Variants in STX17 observed in about 807,000 individuals in gnomAD.
STX17 encodes syntaxin-17.
Under a neutral mutation model 35.9 loss-of-function variants are expected in STX17, and 29 were observed. The observed-to-expected ratio is 0.81, with a 90% CI of 0.60 to 1.10. The LOEUF (loss-of-function observed/expected upper bound fraction) is 1.10, where lower values mean the gene tolerates loss of function less well. Ranked by LOEUF, STX17 falls within the 50% of genes least tolerant of loss-of-function variation. The pLI is 0.00. For synonymous variants in STX17, 92 were observed against 118.3 expected, an observed-to-expected ratio of 0.78 and a Z score of 1.44; for missense variants, 312 against 352.3, an observed-to-expected ratio of 0.89 and a Z score of 0.92.
intron 3 of STX17, among the ~76,000 whole-genome samples, chr9:99,942,830 C>G (rs191605847): frequency 2.0e-5 from 3 of 151,758 alleles, no homozygotes; most frequent in African/African-American, 7.2e-5. Context: ...CTACTTTTGT[C>G]GTAAGTCAAG....
chr9:99,929,528 G>C (rs975685903), intron 3 of STX17, among the ~76,000 whole-genome samples: 2 of 151,478 alleles, frequency 1.3e-5, no homozygotes, highest in African/African-American at 4.8e-5. Context: ...TAATCCTTTT[G>C]GCCTTTCTCC....
At position 99,938,609 on chromosome 9, in the gene STX17, ACT is replaced by A. The variant is rs528328781; in HGVS notation, c.189+9769_189+9770del. Among the ~76,000 whole-genome samples, 208 of 152,122 alleles carry A rather than the reference ACT, an allele frequency of 1.4e-3. 1 individual carries two copies. The highest frequency in any genetic ancestry group is 4.8e-3 in the African/African-American group (200 of 41,488). On this transcript the variant is annotated intron_variant, in intron 3 of 7. Transcript: ENST00000259400. ...ATACCAGCTTGGGCAACATGGTGAA[ACT>A]CTGTCTCTACAAAAAATACCAAAAA...
intron 1 of STX17, among the ~76,000 whole-genome samples, chr9:99,912,528 G>C (rs1166268183): frequency 6.6e-6 from 1 of 152,062 alleles, no homozygotes; most frequent in African/African-American, 2.4e-5. Flanking sequence ...TCCCTTGTTG[G>C]ATGACTAGTT....
Position 99,916,707 on chromosome 9 carries a change from C to T in STX17, c.123+1345C>T, listed in dbSNP as rs535050322. ...CTAGAATTTAGGATTAGTATTTTGT[C>T]ATCCTTGAATTTCTTCTTTACTTAC... is the stretch of plus-strand genomic sequence containing the variant. On this transcript the variant is annotated intron_variant, in intron 2 of 7. Transcript: ENST00000259400. 1.4e-3 allele frequency among the ~76,000 whole-genome samples: 219 copies of T among 152,162 alleles called. 2 individuals carry two copies. The highest frequency in any genetic ancestry group is 5.1e-3 in the African/African-American group (212 of 41,512).
In STX17 at chr9:99,970,815, G is replaced by A. The variant is rs1447046964; in HGVS notation, c.*2142G>A. Among the ~76,000 whole-genome samples, 1 of 152,154 alleles carries A rather than the reference G, an allele frequency of 6.6e-6. No homozygotes were observed. The highest frequency in any genetic ancestry group is 2.4e-5 in the African/African-American group (1 of 41,416). On this transcript the variant is annotated 3_prime_UTR_variant, in exon 8 of 8. Coordinates refer to ENST00000259400, the MANE Select transcript of STX17 (RefSeq NM_017919.3). ...GGCAGCACTAGGGATTCATTATAAG[G>A]TAAATCTGGTTTACATAAAGACCTG...
Position 99,972,547 on chromosome 9 carries a change from G to A in STX17, c.*3874G>A, listed in dbSNP as rs957785838. On this transcript the variant is annotated 3_prime_UTR_variant, in exon 8 of 8. Coordinates refer to ENST00000259400, the MANE Select transcript of STX17 (RefSeq NM_017919.3). ...ATACTGAAACTGAGTGCTGTACAGG[G>A]AGAATTGCATGAGTCCAGAAACTTC... 2.6e-5 allele frequency among the ~76,000 whole-genome samples: 4 copies of A among 152,188 alleles called. No homozygotes were observed. The highest frequency in any genetic ancestry group is 9.6e-5 in the African/African-American group (4 of 41,458).
intron 4 of STX17, among the ~76,000 whole-genome samples, chr9:99,959,712 C>T (rs1229810282): frequency 2.6e-5 from 4 of 152,172 alleles, no homozygotes; most frequent in Non-Finnish European, 4.4e-5. Flanking sequence ...CCTCCCGCCT[C>T]AGCCTGCCAA....
intron 3 of STX17, among the ~76,000 whole-genome samples, chr9:99,944,422 T>C (rs1829434306): frequency 6.6e-6 from 1 of 151,836 alleles, no homozygotes; most frequent in South Asian, 2.1e-4. Flanking sequence ...TCTTTTCTAA[T>C]ATATATATAT....
intron 6 of STX17, 101 bp downstream of exon 6, chr9:99,960,256 A>C: frequency 8.2e-7 from 1 of 1,212,738 alleles, no homozygotes; most frequent in Non-Finnish European, 1.2e-6. Flanking sequence ...AGAACTTATA[A>C]TTTTTAAGAC....
intron 4 of STX17, among the ~76,000 whole-genome samples, chr9:99,952,540 A>G (rs1829623138): frequency 6.6e-6 from 1 of 152,188 alleles, no homozygotes; most frequent in Non-Finnish European, 1.5e-5. Flanking sequence ...GTATATACCC[A>G]AAGGACTATA....
intron 3 of STX17, among the ~76,000 whole-genome samples, chr9:99,939,133 G>A (rs567743923): frequency 6.6e-6 from 1 of 152,222 alleles, no homozygotes; most frequent in African/African-American, 2.4e-5. Context: ...TAAAAAGGGG[G>A]ATGATTTAAA....
At chr9:99,924,680 A>G (rs1828954559) in intron 2 of STX17, among the ~76,000 whole-genome samples, 1 of 152,224 alleles carries the variant, frequency 6.6e-6, no homozygotes, top group South Asian at 2.1e-4. Context: ...GATATTTTCT[A>G]TGTAGACAAT....
chr9:99,941,339 A>G (rs1829357816), intron 3 of STX17, among the ~76,000 whole-genome samples: 1 of 152,198 alleles, frequency 6.6e-6, no homozygotes, highest in African/African-American at 2.4e-5. Context: ...CTTATCCAGT[A>G]TACTTCCACA....
At chr9:99,942,478 C>T (rs1243006869) in intron 3 of STX17, among the ~76,000 whole-genome samples, 2 of 151,804 alleles carry the variant, frequency 1.3e-5, no homozygotes, top group East Asian at 1.9e-4. Flanking sequence ...GATTTTGTGC[C>T]GTGTTTACTT....
chr9:99,946,848 A>G lies in STX17; in HGVS notation c.190-4212A>G, dbSNP rs141706615. Among the ~76,000 whole-genome samples the G allele has an allele frequency of 7.9e-5, 12 of 152,276 alleles. No individual in the cohort carries two copies. In the East Asian group the frequency reaches 2.1e-3, roughly 27 times the overall value. On this transcript the variant is annotated intron_variant, in intron 3 of 7. Coordinates refer to ENST00000259400, the MANE Select transcript of STX17 (RefSeq NM_017919.3). ...GTTATTGCTGTTGAGAAGTCGTATT[A>G]TAATCTTACTGTTTCTTTGCAAGAA... is the stretch of plus-strand genomic sequence containing the variant.
Position 99,957,662 on chromosome 9 carries a change from T to G in STX17, c.416-2255T>G, listed in dbSNP as rs572337588. On this transcript the variant is annotated intron_variant, in intron 4 of 7. Transcript: ENST00000259400. ...TTTTTATGTTATTGTTTTTGTTTTTTTTTTTTTTTTGAGACAGGGTCTCGC... is the reference window on the plus strand; with the variant it reads ...TTTTTATGTTATTGTTTTTGTTTTTGTTTTTTTTTTGAGACAGGGTCTCGC... 6.1e-3 allele frequency among the ~76,000 whole-genome samples: 924 copies of G among 151,164 alleles called. 7 individuals are homozygous for G. The highest frequency in any genetic ancestry group is 0.02 in the Middle Eastern group (6 of 294).
intron 1 of STX17, among the ~76,000 whole-genome samples, chr9:99,913,389 C>G (rs1828698131): frequency 6.6e-6 from 1 of 151,718 alleles, no homozygotes; most frequent in East Asian, 1.9e-4. Flanking sequence ...CCTCTGTGTT[C>G]TGAGTGATTT....
chr9:99,909,286 GA>G (rs1471149321), intron 1 of STX17, among the ~76,000 whole-genome samples: 3 of 152,208 alleles, frequency 2.0e-5, no homozygotes, highest in African/African-American at 7.2e-5. Flanking sequence ...ATTTTGGAGG[GA>G]AAGAGTCTAA....
rs1459730283 is a variant in STX17, at chr9:99,970,392, G to A, written c.*1719G>A. 1 of 152,132 alleles carries A rather than the reference G, an allele frequency of 6.6e-6. No homozygotes were observed. The highest frequency in any genetic ancestry group is 1.9e-4 in the East Asian group (1 of 5,192). The allele number at this position is 152,132 out of a possible 1,614,324, so 9.4% of individuals were successfully genotyped here. ...ATTAACATATTAATAATACCAAGAA[G>A]GAAATACTTTGAATAAGTGTCAGAT... On this transcript the variant is annotated 3_prime_UTR_variant, in exon 8 of 8. Transcript: ENST00000259400.
Sources: gnomAD v4.1 joint callset for allele counts (sites outside exome capture counted in the v4.1 genomes callset) on GRCh38, gnomAD v4.1.1 for gene constraint, MANE v1.5 for transcripts, NCBI Gene and HGNC (gene_info 2026-07-23, HGNC 2026-07-21) for gene names.